Variants in VPS37A observed in about 807,000 individuals in gnomAD.
VPS37A encodes the protein vacuolar protein sorting-associated protein 37A.
A neutral mutation model predicts 49.8 loss-of-function variants in VPS37A; 30 were observed. The observed-to-expected ratio is 0.60, with a 90% CI of 0.45 to 0.82. The LOEUF (loss-of-function observed/expected upper bound fraction) is 0.82, where lower values mean the gene tolerates loss of function less well. Among genes scored for constraint, VPS37A ranks in the 40% least tolerant of loss-of-function variants. The probability of loss-of-function intolerance (pLI) is 0.00; values close to 1 mark genes in which losing one functional copy is unlikely to be tolerated. For missense variants in VPS37A, 593 were observed against 464.4 expected (o/e 1.28, Z -2.55); for synonymous variants, 195 against 160.6 (o/e 1.21, Z -1.62).
downstream of VPS37A, chr8:17,300,182 C>T (rs1237087756): frequency 2.5e-6 from 4 of 1,613,670 alleles, no homozygotes; most frequent in African/African-American, 2.7e-5. Context: ...TTACTCTTCA[C>T]CTTAGTGCAA....
At chr8:17,305,632 A>G (rs1817398923), downstream of VPS37A, 2 of 720,068 alleles carry the variant, frequency 2.8e-6, no homozygotes, top group Non-Finnish European at 4.4e-6. Context: ...AAATAAAACT[A>G]ATCTGTCAGT....
intron 5 of VPS37A, among the ~76,000 whole-genome samples, chr8:17,276,130 G>A (rs1814488188): frequency 6.6e-6 from 1 of 151,806 alleles, no homozygotes. Context: ...CATGTACTTA[G>A]ACAAGAAAGA....
At chr8:17,324,366 T>C in the VPS37A span, among the ~76,000 whole-genome samples, 1 of 152,206 alleles carries the variant, frequency 6.6e-6, no homozygotes, top group Non-Finnish European at 1.5e-5. Context: ...ACAGGGTAGA[T>C]GCACTCTCCA....
rs73200948 is a variant in VPS37A, at chr8:17,268,448, G to C, written c.315+76G>C. ...TTTCTACTAAATATTTTAGAAATCT[G>C]AAATGCATTTAAAGTTTCATTTTGT... On this transcript the variant is annotated intron_variant, in intron 3 of 11. Coordinates refer to ENST00000324849, the MANE Select transcript of VPS37A (RefSeq NM_152415.3). 0.1 allele frequency: 116,820 copies of C among 1,117,654 alleles called. 6,974 individuals carry two copies. The highest frequency in any genetic ancestry group is 0.2 in the South Asian group (12,467 of 61,310). The allele number at this position is 1,117,654 out of a possible 1,614,324, so 69.2% of individuals were successfully genotyped here.
At chr8:17,252,730 T>A (rs1016091792) in intron 1 of VPS37A, among the ~76,000 whole-genome samples, 13 of 152,202 alleles carry the variant, frequency 8.5e-5, no homozygotes, top group Admixed American at 7.9e-4. Context: ...AGGAGCTGCC[T>A]TCATTCATGT....
intron 6 of VPS37A, among the ~76,000 whole-genome samples, chr8:17,277,535 C>T (rs1814628122): frequency 6.6e-6 from 1 of 151,990 alleles, no homozygotes; most frequent in African/African-American, 2.4e-5. Context: ...TCTTGGAGGG[C>T]TGTAGGTATG....
chr8:17,305,989 G>A (rs1330234600), downstream of VPS37A: 2 of 1,537,138 alleles, frequency 1.3e-6, no homozygotes, highest in Admixed American at 1.8e-5. Context: ...ACTTTTTAAG[G>A]CAGATTTATT....
the VPS37A span, among the ~76,000 whole-genome samples, chr8:17,316,365 A>G: frequency 2.6e-5 from 4 of 151,940 alleles, no homozygotes; most frequent in Non-Finnish European, 2.9e-5. Context: ...CATTAATTTT[A>G]ACAGCTATAT....
At chr8:17,256,630 TTTTA>T (rs141925092) in intron 1 of VPS37A, among the ~76,000 whole-genome samples, 35,024 of 145,130 alleles carry the variant, frequency 0.24, 5,236 homozygotes, top group East Asian at 0.6. Context: ...GCTGTGTAGG[TTTTA>T]TTTATTTATT....
chr8:17,331,039 C>T, the VPS37A span: 1 of 1,296,830 alleles, frequency 7.7e-7, no homozygotes, highest in Non-Finnish European at 1.1e-6. Flanking sequence ...GATATTCTTC[C>T]CAAATTATCA....
At chr8:17,327,820 C>A in the VPS37A span, among the ~76,000 whole-genome samples, 1 of 152,140 alleles carries the variant, frequency 6.6e-6, no homozygotes, top group African/African-American at 2.4e-5. Flanking sequence ...TCTCTAATTA[C>A]CAGAGCAAAT....
At chr8:17,304,329 C>T, downstream of VPS37A, 1 of 1,587,292 alleles carries the variant, frequency 6.3e-7, no homozygotes, top group Non-Finnish European at 8.6e-7. Context: ...TAAACGGTAC[C>T]AGAATCCAAG....
intron 4 of VPS37A, among the ~76,000 whole-genome samples, chr8:17,274,458 T>A (rs1244453167): frequency 6.6e-6 from 1 of 152,120 alleles, no homozygotes; most frequent in East Asian, 1.9e-4. Context: ...TATCCACTTC[T>A]ACTCCGTCCA....
intron 1 of VPS37A, among the ~76,000 whole-genome samples, chr8:17,254,077 T>G (rs553762368): frequency 6.6e-6 from 1 of 152,362 alleles, no homozygotes; most frequent in South Asian, 2.1e-4. Context: ...TTTTTATGTT[T>G]CAATTTGTTG....
At chr8:17,302,299 CG>C, downstream of VPS37A, 1 of 1,610,930 alleles carries the variant, frequency 6.2e-7, no homozygotes, top group African/African-American at 1.3e-5. Flanking sequence ...GATGGCAAAG[CG>C]TCGTGATACC....
intron 1 of VPS37A, among the ~76,000 whole-genome samples, chr8:17,250,505 C>T (rs1026789501): frequency 4.6e-5 from 7 of 152,134 alleles, no homozygotes; most frequent in Admixed American, 1.3e-4. Flanking sequence ...CCATCTCCCT[C>T]ATGTTTCGTT....
At chr8:17,301,944 G>T (rs75941387), downstream of VPS37A, 380 of 502,840 alleles carry the variant, frequency 7.6e-4, 1 homozygote, top group African/African-American at 7.0e-3. Flanking sequence ...GTGGAACTGA[G>T]CCACAAACCA....
chr8:17,317,684 C>T, the VPS37A span, among the ~76,000 whole-genome samples: 11 of 152,120 alleles, frequency 7.2e-5, no homozygotes, highest in East Asian at 1.9e-4. Flanking sequence ...TGCAAACATT[C>T]GGCTACTACT....
chr8:17,278,703 G>GT (rs1313795474), intron 6 of VPS37A, among the ~76,000 whole-genome samples: 6 of 151,762 alleles, frequency 4.0e-5, no homozygotes, highest in Non-Finnish European at 8.8e-5. Context: ...TTTTGTTTTT[G>GT]TTTTTTACAG....
Sources: allele counts gnomAD v4.1 joint callset (sites outside exome capture counted in the v4.1 genomes callset), GRCh38; gene constraint gnomAD v4.1.1; transcripts MANE v1.5; gene names NCBI Gene and HGNC (gene_info 2026-07-23, HGNC 2026-07-21).